Variants in EPHB2 observed in about 807,000 individuals in gnomAD.
The protein encoded by EPHB2 is ephrin type-B receptor 2.
A neutral mutation model predicts 96.4 loss-of-function variants in EPHB2; 18 were observed. That is an observed-to-expected ratio of 0.19 (90% CI 0.13 to 0.28). EPHB2 has a LOEUF of 0.28. Among genes scored for constraint, EPHB2 ranks in the 10% least tolerant of loss-of-function variants. The pLI is 1.00. For synonymous variants in EPHB2, 506 were observed against 534.1 expected (o/e 0.95, Z 0.72); for missense variants, 989 against 1,355.4 (o/e 0.73, Z 4.25).
At chr1:22,803,033 A>T (rs1187518162) in intron 3 of EPHB2, among the ~76,000 whole-genome samples, 1 of 152,118 alleles carries the variant, frequency 6.6e-6, no homozygotes, top group African/African-American at 2.4e-5. Context: ...TGAGCCTGGG[A>T]GTCCCAGAGG....
chr1:22,915,818 G>T lies in EPHB2; in HGVS notation c.*2248G>T, dbSNP rs1366772699. On this transcript the variant is annotated 3_prime_UTR_variant, in exon 16 of 16. Transcript: ENST00000374630. Reference sequence around the variant, plus strand: ...TGGATGTGCCATGGATATCGGGTCTGGCTGAGGAAGGGGAGCCAAGGAGAC... The same window carrying T: ...TGGATGTGCCATGGATATCGGGTCTTGCTGAGGAAGGGGAGCCAAGGAGAC... 1 of 152,344 alleles carries T rather than the reference G, an allele frequency of 6.6e-6. No individual in the cohort carries two copies. Among genetic ancestry groups the T allele is most frequent in the Non-Finnish European group, 1.5e-5 (1 of 68,108 alleles). 9.4% of individuals were successfully genotyped at this position (152,344 alleles called of 1,614,324 possible). A position where few individuals can be genotyped will look rare whatever the true frequency, so the allele number is the denominator to read the frequency against.
chr1:22,798,584 C>G (rs1644799702), intron 3 of EPHB2, among the ~76,000 whole-genome samples: 1 of 152,042 alleles, frequency 6.6e-6, no homozygotes, highest in Admixed American at 6.6e-5. Context: ...GGACTCGATT[C>G]TCTCATAAGG....
rs756575948 is a variant in EPHB2 at position 22,785,039 on chromosome 1, A to C, written c.774A>C (p.Ala258=). ...LVPIGRCMCK[A]GFEAVENGTV... ...CCATCGGGCGCTGCATGTGCAAAGC[A>C]GGCTTCGAGGCCGTTGAGAATGGCA... is the stretch of plus-strand genomic sequence containing the variant. The change falls in exon 3 of 16, where the codon GCA becomes GCC. Residue 258 remains alanine, a synonymous_variant. Coordinates refer to ENST00000374630, the MANE Select transcript of EPHB2 (RefSeq NM_017449.5). The C allele has an allele frequency of 8.1e-6, 13 of 1,613,534 alleles. No individual in the cohort carries two copies. The highest frequency in any genetic ancestry group is 1.7e-5 in the Admixed American group (1 of 60,012).
At chr1:22,729,169 AC>A (rs1450082624) in intron 1 of EPHB2, among the ~76,000 whole-genome samples, 1 of 152,168 alleles carries the variant, frequency 6.6e-6, no homozygotes, top group Non-Finnish European at 1.5e-5. Flanking sequence ...TGTTGGGCAG[AC>A]CTTGGGCAGC....
chr1:22,822,655 A>G (rs1482189988), intron 3 of EPHB2, among the ~76,000 whole-genome samples: 1 of 152,252 alleles, frequency 6.6e-6, no homozygotes, highest in Admixed American at 6.5e-5. Context: ...GGAGCAGGCA[A>G]AAGTGAAAGG....
intron 5 of EPHB2, among the ~76,000 whole-genome samples, chr1:22,870,147 G>GA (rs1253596321): frequency 6.6e-6 from 1 of 152,118 alleles, no homozygotes; most frequent in Non-Finnish European, 1.5e-5. Context: ...GCCTTAAAAG[G>GA]AAAAAGTGTT....
At chr1:22,865,285 A>G in intron 5 of EPHB2, 73 bp downstream of exon 5, 1 of 1,536,228 alleles carries the variant, frequency 6.5e-7, no homozygotes, top group Non-Finnish European at 9.0e-7. Context: ...AGTCCTCACA[A>G]AAGACTCCTT....
At chr1:22,907,927 C>T (rs1005191803) in intron 11 of EPHB2, 26 bp from the exon 12 acceptor site, 20 of 1,613,132 alleles carry the variant, frequency 1.2e-5, no homozygotes, top group Non-Finnish European at 1.7e-5. Context: ...TCTGTTTACT[C>T]TGTGTTTTCC....
At chr1:22,814,892 C>A (rs1402501896) in intron 3 of EPHB2, among the ~76,000 whole-genome samples, 1 of 152,188 alleles carries the variant, frequency 6.6e-6, no homozygotes, top group East Asian at 1.9e-4. Context: ...GGTACATTTG[C>A]GCCTTTATGA....
At chr1:22,853,010 A>G (rs1645645616) in intron 3 of EPHB2, among the ~76,000 whole-genome samples, 1 of 152,248 alleles carries the variant, frequency 6.6e-6, no homozygotes, top group African/African-American at 2.4e-5. Context: ...AGAGGCCTCG[A>G]GCAAAATCTC....
intron 1 of EPHB2, among the ~76,000 whole-genome samples, chr1:22,763,800 G>A (rs1644268318): frequency 6.6e-6 from 1 of 152,176 alleles, no homozygotes; most frequent in Non-Finnish European, 1.5e-5. Context: ...CCAGCGGGGG[G>A]TGAAGGGCAC....
At chr1:22,844,617 A>C (rs1343091141) in intron 3 of EPHB2, among the ~76,000 whole-genome samples, 1 of 152,224 alleles carries the variant, frequency 6.6e-6, no homozygotes, top group Admixed American at 6.5e-5. Flanking sequence ...GAGGCACAGA[A>C]AAGTTATATT....
intron 3 of EPHB2, among the ~76,000 whole-genome samples, chr1:22,800,628 G>T (rs1644828476): frequency 6.6e-6 from 1 of 152,160 alleles, no homozygotes; most frequent in African/African-American, 2.4e-5. Flanking sequence ...GTGTACATCT[G>T]TATATTTTAT....
rs191907904 is a variant in EPHB2, at chr1:22,730,226, C to T, written c.61+19183C>T. ...GGCTTCTAATACTCAGAGCCAGGGG[C>T]GGAGGCGGGGGTGGCTTGATGAGGC... On this transcript the variant is annotated intron_variant, in intron 1 of 15. Transcript: ENST00000374630. Among the ~76,000 whole-genome samples, 6 of 152,340 alleles carry T rather than the reference C, an allele frequency of 3.9e-5. No individual in the cohort carries two copies. The East Asian group carries it at 7.7e-4, about 20-fold the overall frequency.
chr1:22,840,639 T>G (rs916321320), intron 3 of EPHB2, among the ~76,000 whole-genome samples: 8 of 152,230 alleles, frequency 5.3e-5, no homozygotes, highest in African/African-American at 1.9e-4. Context: ...TTTTGTATTT[T>G]TAGCAGAGAT....
chr1:22,750,276 G>A (rs1644041727), intron 1 of EPHB2, among the ~76,000 whole-genome samples: 1 of 152,186 alleles, frequency 6.6e-6, no homozygotes, highest in African/African-American at 2.4e-5. Flanking sequence ...GGCTGGGGCA[G>A]TAGAAGGATT....
At chr1:22,773,827 G>A (rs1465802897) in intron 1 of EPHB2, among the ~76,000 whole-genome samples, 1 of 152,210 alleles carries the variant, frequency 6.6e-6, no homozygotes, top group African/African-American at 2.4e-5. Flanking sequence ...ACTCCAGCAT[G>A]GCGCAGTGGC....
At chr1:22,771,123 C>G (rs1481073433) in intron 1 of EPHB2, among the ~76,000 whole-genome samples, 1 of 152,076 alleles carries the variant, frequency 6.6e-6, no homozygotes, top group African/African-American at 2.4e-5. Context: ...CCTGGGTGAT[C>G]AGGAGTAAGG....
chr1:22,843,235 G>T (rs761789300), intron 3 of EPHB2, among the ~76,000 whole-genome samples: 12 of 152,178 alleles, frequency 7.9e-5, no homozygotes, highest in Non-Finnish European at 1.5e-4. Context: ...TTACACCTGA[G>T]GAAACTGAGG....
Sources: allele counts gnomAD v4.1 joint callset (sites outside exome capture counted in the v4.1 genomes callset), GRCh38; gene constraint gnomAD v4.1.1; transcripts MANE v1.5; gene names NCBI Gene and HGNC (gene_info 2026-07-23, HGNC 2026-07-21).